Variants in ASXL1 observed in about 807,000 individuals in gnomAD.
ASXL1 encodes polycomb group protein ASXL1.
Under a neutral mutation model 89.1 loss-of-function variants are expected in ASXL1, and 65 were observed. That is an observed-to-expected ratio of 0.73 (90% CI 0.60 to 0.90). The LOEUF is 0.90. ASXL1 is among the 40% of genes least tolerant of loss of function. The pLI, the probability that ASXL1 is intolerant of heterozygous loss-of-function variation, is 0.00. For synonymous variants in ASXL1, 739 were observed against 746.9 expected, an observed-to-expected ratio of 0.99 and a Z score of 0.17; for missense variants, 1,786 against 1,942.9, an observed-to-expected ratio of 0.92 and a Z score of 1.52.
chr20:32,420,604 A>T (rs1460948652), intron 4 of ASXL1, among the ~76,000 whole-genome samples: 2 of 152,248 alleles, frequency 1.3e-5, no homozygotes, highest in African/African-American at 4.8e-5. Flanking sequence ...AAAAGTATAC[A>T]GCAAGTCTTC....
At chr20:32,433,255 A>G in intron 11 of ASXL1, 29 bp from the exon 12 acceptor site, 1 of 1,614,086 alleles carries the variant, frequency 6.2e-7, no homozygotes, top group Non-Finnish European at 8.5e-7. Context: ...CTCTGGCCTG[A>G]AACTGATGGC....
chr20:32,433,069 G>A (rs2011575249), intron 11 of ASXL1, 84 bp downstream of exon 11: 6 of 1,579,184 alleles, frequency 3.8e-6, no homozygotes, highest in Non-Finnish European at 5.2e-6. Context: ...ATACTTATGT[G>A]TTGGACAAGA....
At chr20:32,401,846 G>A (rs1232068539) in intron 4 of ASXL1, among the ~76,000 whole-genome samples, 1 of 152,104 alleles carries the variant, frequency 6.6e-6, no homozygotes, top group Non-Finnish European at 1.5e-5. Flanking sequence ...GTGAGCCACT[G>A]CACCTGGCCT....
intron 4 of ASXL1, among the ~76,000 whole-genome samples, chr20:32,404,404 T>A (rs1262617433): frequency 6.6e-6 from 1 of 152,242 alleles, no homozygotes; most frequent in African/African-American, 2.4e-5. Context: ...GGTAAACTAT[T>A]ATAAATGAAA....
Position 32,435,636 on chromosome 20 carries a change from G to C in ASXL1, c.2924G>C (p.Cys975Ser). Reference protein sequence around the residue: ...RGGSDSNGSYCQQVDIEKLKI... With the variant: ...RGGSDSNGSYSQQVDIEKLKI... Reference sequence around the variant, plus strand: ...GGCAGTGACAGCAATGGCAGTTACTGTCAACAGGTGGACATTGAAAAGCTG... The same window carrying C: ...GGCAGTGACAGCAATGGCAGTTACTCTCAACAGGTGGACATTGAAAAGCTG... The change falls in exon 13 of 13, where the codon TGT becomes TCT. Residue 975 changes from cysteine (C) to serine (S), a missense_variant. This residue lies in a region of ASXL1 where 1,418 missense variants were observed against 1,427.8 expected (regional missense o/e 0.99). Coordinates refer to ENST00000375687, the MANE Select transcript of ASXL1 (RefSeq NM_015338.6). 1.2e-6 allele frequency: 2 copies of C among 1,614,162 alleles called. No homozygotes were observed. Among genetic ancestry groups the C allele is most frequent in the Non-Finnish European group, 1.7e-6 (2 of 1,180,042 alleles).
intron 1 of ASXL1, chr20:32,359,498 T>C: frequency 3.1e-6 from 2 of 650,114 alleles, no homozygotes; most frequent in Non-Finnish European, 5.6e-6. Flanking sequence ...AGCCTGGGAA[T>C]CTGCGCTTTC....
At chr20:32,418,826 TTTTTTTTTTTTTTTTTTTTTTTTTG>T (rs2049185824) in intron 4 of ASXL1, among the ~76,000 whole-genome samples, 1 of 105,398 alleles carries the variant, frequency 9.5e-6, no homozygotes, top group African/African-American at 4.5e-5. Flanking sequence ...TTTTTTTTTT[TTTTTTTTTTTTTTTTTTTTTTTTTG>T]AGACGGAGTC....
In ASXL1 at chr20:32,436,903, T is replaced by C; in HGVS notation, c.4191T>C (p.Gly1397=). ...GGCATAGTCCCCTGGAACTGGTGGGTCACTTGGAAGGGATGCCCTTTGTCA... is the reference window on the plus strand; with the variant it reads ...GGCATAGTCCCCTGGAACTGGTGGGCCACTTGGAAGGGATGCCCTTTGTCA... ...ATGHSPLELV[G]HLEGMPFVMD... The change falls in exon 13 of 13, where the codon GGT becomes GGC. Residue 1397 remains glycine (G), a synonymous_variant. Transcript: ENST00000375687. The C allele has an allele frequency of 6.2e-7, 1 of 1,614,074 alleles. No homozygotes were observed. The highest frequency in any genetic ancestry group is 8.5e-7 in the Non-Finnish European group (1 of 1,180,008).
intron 1 of ASXL1, among the ~76,000 whole-genome samples, chr20:32,364,161 G>C (rs895714851): frequency 1.3e-5 from 2 of 152,116 alleles, no homozygotes; most frequent in African/African-American, 4.8e-5. Flanking sequence ...GGAAGCTTCA[G>C]CTTTTGCAGT....
chr20:32,433,315 C>T lies in ASXL1; in HGVS notation c.1117C>T (p.Gln373Ter), dbSNP rs1427299519. 3.7e-6 allele frequency: 6 copies of T among 1,613,998 alleles called. No homozygotes were observed. The highest frequency in any genetic ancestry group is 4.2e-6 in the Non-Finnish European group (5 of 1,180,026). Residue 373 changes from glutamine (Q) to a stop codon, truncating the protein, a stop_gained, in exon 12 of 13, where the codon CAG (glutamine) becomes TAG (stop). Transcript: ENST00000375687. LOFTEE classifies it high-confidence loss of function. Reference sequence around the variant, plus strand: ...TTTGACCAAAGAAGAGTCATTGCAGCAGAACGTGGGCCAGGAGGAGGCTGA... The same window carrying T: ...TTTGACCAAAGAAGAGTCATTGCAGTAGAACGTGGGCCAGGAGGAGGCTGA... ...LGLTKEESLQ[Q>*]NVGQEEAEIK...
chr20:32,419,683 C>CTT (rs1284686802), intron 4 of ASXL1, among the ~76,000 whole-genome samples: 8 of 135,570 alleles, frequency 5.9e-5, no homozygotes, highest in Admixed American at 7.4e-5. Context: ...GATATATTTT[C>CTT]TTTTTTTTTT....
chr20:32,434,848 C>G lies in ASXL1; in HGVS notation c.2136C>G (p.Ala712=), dbSNP rs2011701409. 1 of 1,614,152 alleles carries G rather than the reference C, an allele frequency of 6.2e-7. No homozygotes were observed. Among genetic ancestry groups the G allele is most frequent in the Middle Eastern group, 1.6e-4 (1 of 6,062 alleles). The change falls in exon 13 of 13, where the codon GCC becomes GCG. Residue 712 remains alanine, a synonymous_variant. Transcript: ENST00000375687. ...GGGAGCATACCCAGGCCGGAACTGC[C>G]ATGTCCAGAGCTAGGAGAGAGGACC... ...LNGEHTQAGT[A]MSRARREDLP... is the part of the protein sequence containing the mutation.
chr20:32,371,864 A>G, intron 4 of ASXL1: 1 of 434,870 alleles, frequency 2.3e-6, no homozygotes, highest in Non-Finnish European at 4.6e-6. Flanking sequence ...AAGCACTGGG[A>G]TGGATTACAG....
rs184265056 is a variant in ASXL1, at chr20:32,437,425, A to G, written c.*87A>G. On this transcript the variant is annotated 3_prime_UTR_variant, in exon 13 of 13. Transcript: ENST00000375687. ...TAAATCTGTATACAGAATATCATTG[A>G]TATAATACTCTTTAGGCAGGAGCAC... 6.7e-3 allele frequency: 10,535 copies of G among 1,571,118 alleles called. 57 individuals are homozygous for G. The highest frequency in any genetic ancestry group is 8.2e-3 in the Non-Finnish European group (9,370 of 1,142,746).
chr20:32,358,861 T>C, intron 1 of ASXL1, 29 bp downstream of exon 1: 1 of 1,072,724 alleles, frequency 9.3e-7, no homozygotes, highest in Non-Finnish European at 1.3e-6. Flanking sequence ...GGGGGCTCCG[T>C]GGGGCCCGGG....
intron 1 of ASXL1, among the ~76,000 whole-genome samples, chr20:32,362,069 C>T (rs2048122009): frequency 6.6e-6 from 1 of 151,938 alleles, no homozygotes; most frequent in South Asian, 2.1e-4. Flanking sequence ...GTCTCAAAAA[C>T]AAAACAAAAG....
intron 4 of ASXL1, among the ~76,000 whole-genome samples, chr20:32,392,628 T>C (rs1381411570): frequency 1.3e-5 from 2 of 151,096 alleles, no homozygotes; most frequent in African/African-American, 4.8e-5. Context: ...AAATCTTTCC[T>C]CTTTTCTAAG....
chr20:32,398,591 T>G (rs1461083281), intron 4 of ASXL1, among the ~76,000 whole-genome samples: 1 of 142,128 alleles, frequency 7.0e-6, no homozygotes, highest in Non-Finnish European at 1.5e-5. Context: ...GCTGGTTTTG[T>G]TTTTTTTGTT....
chr20:32,372,183 G>A, intron 4 of ASXL1: 1 of 1,346,616 alleles, frequency 7.4e-7, no homozygotes, highest in East Asian at 3.8e-5. Context: ...ACTGCACCAG[G>A]CCCCTTCATC....
Sources: allele counts gnomAD v4.1 joint callset (sites outside exome capture counted in the v4.1 genomes callset), GRCh38; gene constraint gnomAD v4.1.1; regional missense constraint gnomAD v4.1.1; transcripts MANE v1.5; gene names NCBI Gene and HGNC (gene_info 2026-07-23, HGNC 2026-07-21).